Variants in ARHGAP15 observed in about 807,000 individuals in gnomAD.
ARHGAP15 encodes the protein Rho GTPase activating protein 15.
A neutral mutation model predicts 63.7 loss-of-function variants in ARHGAP15; 51 were observed. The observed-to-expected ratio is 0.80, with a 90% confidence interval of 0.64 to 1.01. ARHGAP15 has a LOEUF of 1.01. Ranked by LOEUF, ARHGAP15 falls within the 50% of genes least tolerant of loss-of-function variation. The pLI, the probability that ARHGAP15 is intolerant of heterozygous loss-of-function variation, is 0.00. For missense variants in ARHGAP15, 560 were observed against 564.6 expected (o/e 0.99, Z 0.08); for synonymous variants, 191 against 193.8 (o/e 0.99, Z 0.12).
chr2:143,703,466 CA>C lies in ARHGAP15; in HGVS notation c.1191del (p.Lys397AsnfsTer10). 1 of 1,612,310 alleles carries C rather than the reference CA, an allele frequency of 6.2e-7. No homozygotes were observed. The highest frequency in any genetic ancestry group is 1.3e-5 in the African/African-American group (1 of 74,888). ...AATTGAAGCTGTAAAATCTCTTGTACAAAAACTCCCTCCGCCAAATCGTGAC... is the reference window on the plus strand; with the variant it reads ...AATTGAAGCTGTAAAATCTCTTGTACAAAACTCCCTCCGCCAAATCGTGAC... ...TRIEAVKSLV[Q>X]KLPPPNRDTM... On this transcript the variant is annotated frameshift_variant, in exon 13 of 14. Coordinates refer to ENST00000295095, the MANE Select transcript of ARHGAP15 (RefSeq NM_018460.4). LOFTEE classifies it high-confidence loss of function.
intron 11 of ARHGAP15, among the ~76,000 whole-genome samples, chr2:143,569,804 AC>A (rs1471611767): frequency 3.3e-5 from 5 of 152,224 alleles, no homozygotes; most frequent in African/African-American, 1.2e-4. Flanking sequence ...GAAGGTTGTT[AC>A]AGTAGCACAG....
At chr2:143,436,839 A>G (rs1210145684) in intron 7 of ARHGAP15, 74 bp from the exon 8 acceptor site, 2 of 1,539,486 alleles carry the variant, frequency 1.3e-6, no homozygotes, top group African/African-American at 1.4e-5. Context: ...AAACAGCAAA[A>G]TTGAACACAA....
At chr2:143,532,660 C>T (rs373249294) in intron 10 of ARHGAP15, among the ~76,000 whole-genome samples, 1 of 151,950 alleles carries the variant, frequency 6.6e-6, no homozygotes. Context: ...ATTAGAGTAC[C>T]GCATGCAAAA....
chr2:143,423,967 A>G (rs747212260), intron 6 of ARHGAP15, among the ~76,000 whole-genome samples: 3 of 152,130 alleles, frequency 2.0e-5, no homozygotes, highest in Non-Finnish European at 4.4e-5. Context: ...GTTTTGCAAC[A>G]TACATTAAAT....
rs551781836 is a variant in ARHGAP15, at chr2:143,230,224, T to C, written c.384+1556T>C. ...CCCCTGCTGAGTGAGAAGAATTCCA[T>C]TGGGAGGAGAGTTTATGCGAATGTG... is the stretch of plus-strand genomic sequence containing the variant. On this transcript the variant is annotated intron_variant, in intron 5 of 13. Coordinates refer to ENST00000295095, the MANE Select transcript of ARHGAP15 (RefSeq NM_018460.4). 3.8e-4 allele frequency among the ~76,000 whole-genome samples: 58 copies of C among 152,248 alleles called. 1 individual carries two copies. Among genetic ancestry groups the C allele is most frequent in the Admixed American group, 3.2e-3 (49 of 15,284 alleles).
At position 143,594,489 on chromosome 2, in the gene ARHGAP15, T is replaced by C. The variant is rs1380891727; in HGVS notation, c.1004-29644T>C. Among the ~76,000 whole-genome samples, 3 of 152,144 alleles carry C rather than the reference T, an allele frequency of 2.0e-5. No homozygotes were observed. In the East Asian group the frequency reaches 5.8e-4, roughly 29 times the overall value. ...GGAAAATGACAAAGGGGTTATAGTA[T>C]CCCAGTTTGGAATATAGATGTGGCT... On this transcript the variant is annotated intron_variant, in intron 11 of 13. Coordinates refer to ENST00000295095, the MANE Select transcript of ARHGAP15 (RefSeq NM_018460.4).
At chr2:143,326,510 G>A (rs921116073) in intron 6 of ARHGAP15, among the ~76,000 whole-genome samples, 1 of 152,140 alleles carries the variant, frequency 6.6e-6, no homozygotes, top group Admixed American at 6.5e-5. Context: ...CATTCACTGA[G>A]TCTTTTGTAT....
chr2:143,331,950 A>C (rs1035653175), intron 6 of ARHGAP15, among the ~76,000 whole-genome samples: 1 of 152,080 alleles, frequency 6.6e-6, no homozygotes, highest in African/African-American at 2.4e-5. Flanking sequence ...CAAAGCATAC[A>C]TTTCTAGAGT....
chr2:143,500,712 A>T (rs1289139657), intron 9 of ARHGAP15, among the ~76,000 whole-genome samples: 2 of 152,206 alleles, frequency 1.3e-5, no homozygotes, highest in African/African-American at 4.8e-5. Flanking sequence ...AGTTGCCTTC[A>T]TGAAGCATAC....
At chr2:143,157,687 C>A (rs1309408463) in intron 2 of ARHGAP15, among the ~76,000 whole-genome samples, 1 of 151,218 alleles carries the variant, frequency 6.6e-6, no homozygotes, top group East Asian at 2.0e-4. Context: ...TGCCATGGCA[C>A]TAATTTTCTT....
At chr2:143,220,485 A>C (rs959754591) in intron 4 of ARHGAP15, among the ~76,000 whole-genome samples, 5 of 152,230 alleles carry the variant, frequency 3.3e-5, no homozygotes, top group African/African-American at 1.2e-4. Flanking sequence ...TATTGGGATT[A>C]CAGGCGTGAG....
chr2:143,204,804 C>A (rs12994078), intron 3 of ARHGAP15, among the ~76,000 whole-genome samples: 1 of 151,894 alleles, frequency 6.6e-6, no homozygotes, highest in Non-Finnish European at 1.5e-5. Flanking sequence ...GCCCGGCCAT[C>A]CCACCTGCTT....
intron 12 of ARHGAP15, among the ~76,000 whole-genome samples, chr2:143,635,891 GTTTTC>G (rs979882650): frequency 2.0e-4 from 30 of 152,042 alleles, no homozygotes; most frequent in African/African-American, 6.3e-4. Flanking sequence ...AATTATGAGT[GTTTTC>G]TTTTCATTGG....
At chr2:143,509,569 A>G (rs6741687) in intron 9 of ARHGAP15, among the ~76,000 whole-genome samples, 12,654 of 152,272 alleles carry the variant, frequency 0.083, 642 homozygotes, top group Non-Finnish European at 0.11. Flanking sequence ...TAATTCAAAA[A>G]CATAGGCCAT....
At chr2:143,427,788 T>G (rs1558964523) in intron 6 of ARHGAP15, among the ~76,000 whole-genome samples, 1 of 152,132 alleles carries the variant, frequency 6.6e-6, no homozygotes, top group African/African-American at 2.4e-5. Context: ...ATGAAGTGTT[T>G]TCAGTAGACG....
intron 6 of ARHGAP15, among the ~76,000 whole-genome samples, chr2:143,340,315 A>G (rs1419620181): frequency 6.6e-6 from 1 of 152,130 alleles, no homozygotes; most frequent in East Asian, 1.9e-4. Context: ...AGACTGGAAG[A>G]AAAAAAGGCC....
intron 6 of ARHGAP15, among the ~76,000 whole-genome samples, chr2:143,384,724 C>T (rs1173127159): frequency 6.6e-6 from 1 of 152,112 alleles, no homozygotes; most frequent in Non-Finnish European, 1.5e-5. Context: ...GTTGTGCTAT[C>T]ATCTGGATGT....
intron 6 of ARHGAP15, among the ~76,000 whole-genome samples, chr2:143,434,415 A>C (rs2105086202): frequency 6.6e-6 from 1 of 152,206 alleles, no homozygotes; most frequent in East Asian, 1.9e-4. Context: ...TCAAAACCCC[A>C]AAATCATTGT....
chr2:143,527,529 T>G (rs1694331303), intron 10 of ARHGAP15, among the ~76,000 whole-genome samples: 2 of 151,912 alleles, frequency 1.3e-5, no homozygotes, highest in Admixed American at 1.3e-4. Context: ...GAAAAAAACC[T>G]AACTCTGCAA....
Sources: gnomAD v4.1 joint callset for allele counts (sites outside exome capture counted in the v4.1 genomes callset) on GRCh38, gnomAD v4.1.1 for gene constraint, MANE v1.5 for transcripts, NCBI Gene and HGNC (gene_info 2026-07-23, HGNC 2026-07-21) for gene names.